The following MYO10 variants were observed in gnomAD, a reference collection of about 807,000 sequenced individuals.
The protein encoded by MYO10 is myosin X, also known as unconventional myosin-X.
Under a neutral mutation model 257.3 loss-of-function variants are expected in MYO10, and 133 were observed. The observed-to-expected ratio is 0.52, with a 90% CI of 0.45 to 0.60. The LOEUF is 0.60. Ranked by LOEUF, MYO10 falls within the 20% of genes least tolerant of loss-of-function variation. The pLI is 0.00. For synonymous variants in MYO10, 1,104 were observed against 1,028.6 expected (o/e 1.07, Z -1.40); for missense variants, 2,399 against 2,635.7 (o/e 0.91, Z 1.97).
Position 16,796,199 on chromosome 5 carries a change from AAAAAG to A in MYO10, c.280-1371_280-1367del, listed in dbSNP as rs1372689566. 6.7e-4 allele frequency among the ~76,000 whole-genome samples: 82 copies of A among 121,896 alleles called. 6 individuals are homozygous for A. The Middle Eastern group carries it at 0.012, about 18-fold the overall frequency. 80.0% of individuals were successfully genotyped at this position (121,896 alleles called of 152,430 possible). On this transcript the variant is annotated intron_variant, in intron 3 of 40. Coordinates refer to ENST00000513610, the MANE Select transcript of MYO10 (RefSeq NM_012334.3). ...GCGAGACTCTGTCAAAAAAAAAAAA[AAAAAG>A]AAAGAACAGAGAGAGAGCGAGAAAG... is the stretch of plus-strand genomic sequence containing the variant.
At chr5:16,883,069 C>T (rs892073243) in intron 1 of MYO10, among the ~76,000 whole-genome samples, 2 of 151,952 alleles carry the variant, frequency 1.3e-5, no homozygotes, top group African/African-American at 4.8e-5. Flanking sequence ...GTGCCCACCA[C>T]CACGCCTGGC....
Position 16,849,510 on chromosome 5 carries a change from G to C in MYO10, c.120+28099C>G, listed in dbSNP as rs190778224. ...TTCTTATAAGATTTTGTGGTTCAGA[G>C]AGCAAATGTTATTCCACAACATTTT... On this transcript the variant is annotated intron_variant, in intron 2 of 40. Transcript: ENST00000513610. Among the ~76,000 whole-genome samples the C allele has an allele frequency of 2.6e-5, 4 of 152,238 alleles. No homozygotes were observed. In the East Asian group the frequency reaches 7.7e-4, roughly 29 times the overall value.
At chr5:16,817,917 T>C in intron 3 of MYO10, 92 bp downstream of exon 3, 1 of 1,106,462 alleles carries the variant, frequency 9.0e-7, no homozygotes, top group Non-Finnish European at 1.2e-6. Context: ...TTAACAAGAA[T>C]TCTCAAAAGG....
Position 16,812,121 on chromosome 5 carries a change from A to G in MYO10, c.279+5888T>C, listed in dbSNP as rs1015818777. 1.3e-4 allele frequency among the ~76,000 whole-genome samples: 20 copies of G among 152,292 alleles called. 1 individual carries two copies. The East Asian group carries it at 3.7e-3, about 28-fold the overall frequency. ...CCTCAAGGCAGCAAACCCATAGCCA[A>G]GAGGTTCAGGGTGGAAACCTGGGGC... On this transcript the variant is annotated intron_variant, in intron 3 of 40. Coordinates refer to ENST00000513610, the MANE Select transcript of MYO10 (RefSeq NM_012334.3).
intron 3 of MYO10, among the ~76,000 whole-genome samples, chr5:16,811,685 G>A (rs1484768843): frequency 1.3e-5 from 2 of 152,152 alleles, no homozygotes; most frequent in Non-Finnish European, 2.9e-5. Context: ...GAGTAGAAGG[G>A]ACTACAGGGG....
chr5:16,675,026 A>T lies in MYO10; in HGVS notation c.4791T>A (p.His1597Gln). ...GCTCGTCCCGCAGAGGTCGCAGGTC[A>T]TGCCCTGTCTGTAGGATGCCCTGGA... Reference protein sequence around the residue: ...PIIQGILQTGHDLRPLRDELY... With the variant: ...PIIQGILQTGQDLRPLRDELY... The change falls in exon 35 of 41, where the codon CAT becomes CAA. Residue 1597 changes from histidine to glutamine, a missense_variant. Physicochemically the swap from His to Gln is conservative, Grantham distance 24. Coordinates refer to ENST00000513610, the MANE Select transcript of MYO10 (RefSeq NM_012334.3). 1 of 1,613,996 alleles carries T rather than the reference A, an allele frequency of 6.2e-7. No individual in the cohort carries two copies. Among genetic ancestry groups the T allele is most frequent in the Non-Finnish European group, 8.5e-7 (1 of 1,179,888 alleles).
chr5:16,694,678 A>T, intron 26 of MYO10, 64 bp from the exon 27 acceptor site: 2 of 1,588,042 alleles, frequency 1.3e-6, no homozygotes, highest in Non-Finnish European at 1.7e-6. Context: ...GATGACAACA[A>T]CATGCATAGC....
chr5:16,902,557 A>G, intron 1 of MYO10: 3 of 1,578,672 alleles, frequency 1.9e-6, no homozygotes, highest in East Asian at 2.2e-5. Flanking sequence ...TTGGGCACGC[A>G]TCGGGCACAG....
intron 19 of MYO10, among the ~76,000 whole-genome samples, chr5:16,733,761 G>C (rs866932135): frequency 6.6e-6 from 1 of 152,156 alleles, no homozygotes; most frequent in African/African-American, 2.4e-5. Flanking sequence ...GGAAACGGGA[G>C]GTCAGGCAGC....
chr5:16,778,493 G>T (rs891781321), intron 9 of MYO10, among the ~76,000 whole-genome samples: 3 of 152,054 alleles, frequency 2.0e-5, no homozygotes, highest in Non-Finnish European at 4.4e-5. Context: ...GGGTCGATGA[G>T]GGAACCTGCC....
chr5:16,926,522 T>C (rs1045277014), intron 1 of MYO10, among the ~76,000 whole-genome samples: 1 of 152,062 alleles, frequency 6.6e-6, no homozygotes, highest in Non-Finnish European at 1.5e-5. Context: ...GCCAACATGA[T>C]GAAACCCCGT....
chr5:16,801,574 T>A (rs1278511543), intron 3 of MYO10, among the ~76,000 whole-genome samples: 1 of 152,206 alleles, frequency 6.6e-6, no homozygotes, highest in Non-Finnish European at 1.5e-5. Context: ...ATGTAGGTGC[T>A]ACTGCTGTGG....
intron 4 of MYO10, among the ~76,000 whole-genome samples, chr5:16,787,559 T>C (rs971803030): frequency 7.9e-4 from 113 of 142,726 alleles, no homozygotes; most frequent in African/African-American, 2.9e-3. Flanking sequence ...TTGGCAAAAA[T>C]GTGTGCATTC....
intron 1 of MYO10, among the ~76,000 whole-genome samples, chr5:16,913,229 C>T (rs1026219595): frequency 6.6e-6 from 1 of 151,984 alleles, no homozygotes; most frequent in Non-Finnish European, 1.5e-5. Flanking sequence ...GACAAAGATA[C>T]AAGCCACTGC....
intron 19 of MYO10, among the ~76,000 whole-genome samples, chr5:16,727,738 A>C (rs1739426779): frequency 6.6e-6 from 1 of 152,178 alleles, no homozygotes; most frequent in South Asian, 2.1e-4. Flanking sequence ...TGTTTTTTAA[A>C]ACAAACTGTT....
intron 1 of MYO10, among the ~76,000 whole-genome samples, chr5:16,906,257 A>C (rs574658442): frequency 2.1e-3 from 317 of 152,238 alleles, no homozygotes; most frequent in African/African-American, 7.2e-3. Context: ...TGAGGAGCCA[A>C]TGGGGCGCTC....
intron 19 of MYO10, among the ~76,000 whole-genome samples, chr5:16,718,411 G>A (rs1474339067): frequency 3.9e-5 from 6 of 152,288 alleles, no homozygotes; most frequent in African/African-American, 1.2e-4. Context: ...AGCCAGCTGG[G>A]CTCCTGAGTC....
At chr5:16,679,875 G>C in intron 33 of MYO10, 72 bp downstream of exon 33, 1 of 1,539,720 alleles carries the variant, frequency 6.5e-7, no homozygotes. Context: ...CACTAATGCT[G>C]AGGTCTTGGT....
intron 1 of MYO10, among the ~76,000 whole-genome samples, chr5:16,917,955 G>A (rs1420348457): frequency 1.3e-5 from 2 of 152,152 alleles, no homozygotes; most frequent in African/African-American, 4.8e-5. Context: ...GAATATTTCT[G>A]CTGATCTAAC....
Sources: gnomAD v4.1 joint callset for allele counts (sites outside exome capture counted in the v4.1 genomes callset) on GRCh38, gnomAD v4.1.1 for gene constraint, MANE v1.5 for transcripts, NCBI Gene and HGNC (gene_info 2026-07-23, HGNC 2026-07-21) for gene names.